Variants in RYR3 observed in about 807,000 individuals in gnomAD.
The protein encoded by RYR3 is ryanodine receptor 3, also known as brain ryanodine receptor-calcium release channel.
A neutral mutation model predicts 584.3 loss-of-function variants in RYR3; 207 were observed. The observed-to-expected ratio is 0.35, with a 90% CI of 0.32 to 0.40. The LOEUF (loss-of-function observed/expected upper bound fraction) is 0.40. RYR3 is among the 10% of genes least tolerant of loss of function. The pLI, the probability that RYR3 is intolerant of heterozygous loss-of-function variation, is 1.00. For synonymous variants in RYR3, 2,416 were observed against 2,248.5 expected, an observed-to-expected ratio of 1.07 and a Z score of -2.11; for missense variants, 5,616 against 6,089.2, an observed-to-expected ratio of 0.92 and a Z score of 2.59.
Position 33,652,810 on chromosome 15 carries a change from G to C in RYR3, c.4235G>C (p.Gly1412Ala), listed in dbSNP as rs375881628. ...CGGAGCAACGTGGACCTGGAGATCG[G>C]CTGTCTCGTGGATCTGGCCATGGGC... ...SNRSNVDLEIGCLVDLAMGML... is the reference protein window; with the variant it reads ...SNRSNVDLEIACLVDLAMGML... Residue 1412 changes from glycine to alanine, a missense_variant, in exon 32 of 104, where the codon GGC (glycine) becomes GCC (alanine). Around this residue, in one of 9 missense-constraint regions of RYR3, gnomAD observed 753 missense variants for 741.0 expected, o/e 1.02. Coordinates refer to ENST00000634891, the MANE Select transcript of RYR3 (RefSeq NM_001036.6). 65 of 1,613,862 alleles carry C rather than the reference G, an allele frequency of 4.0e-5. No individual in the cohort carries two copies. In the African/African-American group the frequency reaches 6.9e-4, roughly 17 times the overall value.
At chr15:33,569,050 A>G (rs150615740) in intron 12 of RYR3, among the ~76,000 whole-genome samples, 5 of 152,222 alleles carry the variant, frequency 3.3e-5, no homozygotes, top group African/African-American at 1.2e-4. Context: ...ATGTGTGTGT[A>G]GAGTGAAAGA....
At position 33,785,856 on chromosome 15, in the gene RYR3, C is replaced by G. The variant is rs760372732; in HGVS notation, c.9463C>G (p.Pro3155Ala). The G allele has an allele frequency of 6.2e-7, 1 of 1,613,898 alleles. No homozygotes were observed. The highest frequency in any genetic ancestry group is 8.5e-7 in the Non-Finnish European group (1 of 1,179,866). Residue 3155 changes from proline (P) to alanine (A), a missense_variant, in exon 66 of 104, where the codon CCC (proline) becomes GCC (alanine). Pro to Ala is a conservative substitution (Grantham distance 27). Transcript: ENST00000634891. ...WWERGPENLP[P>A]STGPCCTKVT... ...GGAGCGGGGTCCTGAGAACCTGCCCCCCAGCACAGGGCCATGCTGCACCAA... is the reference window on the plus strand; with the variant it reads ...GGAGCGGGGTCCTGAGAACCTGCCCGCCAGCACAGGGCCATGCTGCACCAA...
chr15:33,561,663 C>G (rs1256240937), intron 10 of RYR3, among the ~76,000 whole-genome samples: 3 of 151,398 alleles, frequency 2.0e-5, no homozygotes, highest in Admixed American at 6.6e-5. Flanking sequence ...ATTGCTTGAG[C>G]CTGGGAGTTC....
chr15:33,690,144 T>C (rs1350669703), intron 38 of RYR3, among the ~76,000 whole-genome samples: 1 of 152,190 alleles, frequency 6.6e-6, no homozygotes, highest in Middle Eastern at 3.2e-3. Flanking sequence ...TGCTGAAGGA[T>C]CAGCTAATGT....
At position 33,838,123 on chromosome 15, in the gene RYR3, T is replaced by A. The variant is rs1389684692; in HGVS notation, c.12143T>A (p.Ile4048Asn). ...AAGATTGAGCGTGTTTATTTTGAGA[T>A]CAGTGAATCCAGTCGCACTCAGTGG... is the stretch of plus-strand genomic sequence containing the variant. Reference protein sequence around the residue: ...AKKIERVYFEISESSRTQWEK... With the variant: ...AKKIERVYFENSESSRTQWEK... The change falls in exon 89 of 104, where the codon ATC becomes AAC. Residue 4048 changes from isoleucine (I) to asparagine (N), a missense_variant. By Grantham distance (149) the Ile-to-Asn change is moderately radical. Coordinates refer to ENST00000634891, the MANE Select transcript of RYR3 (RefSeq NM_001036.6). 6.2e-7 allele frequency: 1 copy of A among 1,613,854 alleles called. No individual in the cohort carries two copies. The highest frequency in any genetic ancestry group is 8.5e-7 in the Non-Finnish European group (1 of 1,179,882).
intron 1 of RYR3, among the ~76,000 whole-genome samples, chr15:33,344,272 G>C (rs1438528089): frequency 6.6e-6 from 1 of 152,166 alleles, no homozygotes; most frequent in Non-Finnish European, 1.5e-5. Flanking sequence ...ACTGAAATCT[G>C]CCTCATGGTT....
At chr15:33,519,449 C>T (rs2053798450) in intron 3 of RYR3, among the ~76,000 whole-genome samples, 1 of 152,072 alleles carries the variant, frequency 6.6e-6, no homozygotes, top group Non-Finnish European at 1.5e-5. Context: ...AAGGATGCTT[C>T]CGAGAACACA....
intron 1 of RYR3, among the ~76,000 whole-genome samples, chr15:33,314,121 G>A (rs1967744329): frequency 6.6e-6 from 1 of 152,194 alleles, no homozygotes; most frequent in Admixed American, 6.5e-5. Flanking sequence ...TGAACTAAAT[G>A]CTACTGTACC....
intron 43 of RYR3, among the ~76,000 whole-genome samples, chr15:33,709,760 C>G (rs2066965988): frequency 1.3e-5 from 2 of 152,160 alleles, no homozygotes; most frequent in South Asian, 4.1e-4. Context: ...TATAAATTAC[C>G]TAGTCTTTGA....
intron 2 of RYR3, among the ~76,000 whole-genome samples, chr15:33,481,525 G>A (rs2049964601): frequency 1.3e-5 from 2 of 151,890 alleles, no homozygotes; most frequent in African/African-American, 4.8e-5. Flanking sequence ...CTGTCACCCA[G>A]GCTGGAGTGC....
intron 39 of RYR3, among the ~76,000 whole-genome samples, 153 bp from the exon 40 acceptor site, chr15:33,697,729 A>G (rs1004445022): frequency 1.3e-5 from 2 of 152,204 alleles, no homozygotes; most frequent in African/African-American, 4.8e-5. Flanking sequence ...CCCTCCACAT[A>G]TATTCCAGCT....
Position 33,800,806 on chromosome 15 carries a change from C to G in RYR3, c.9867C>G (p.Asp3289Glu). 1.2e-6 allele frequency: 2 copies of G among 1,613,834 alleles called. No individual in the cohort carries two copies. The highest frequency in any genetic ancestry group is 8.5e-7 in the Non-Finnish European group (1 of 1,179,728). The change falls in exon 68 of 104, where the codon GAC becomes GAG. Residue 3289 changes from aspartate (D) to glutamate (E), a missense_variant. Coordinates refer to ENST00000634891, the MANE Select transcript of RYR3 (RefSeq NM_001036.6). Reference protein sequence around the residue: ...NWLKSPDADSDQLFRMVAEVF... With the variant: ...NWLKSPDADSEQLFRMVAEVF... Reference sequence around the variant, plus strand: ...TGAAAAGTCCTGATGCTGATTCTGACCAGCTCTTCCGCATGGTGGCAGAAG... The same window carrying G: ...TGAAAAGTCCTGATGCTGATTCTGAGCAGCTCTTCCGCATGGTGGCAGAAG...
intron 1 of RYR3, among the ~76,000 whole-genome samples, chr15:33,368,696 C>T (rs1333366877): frequency 6.6e-6 from 1 of 152,086 alleles, no homozygotes; most frequent in Non-Finnish European, 1.5e-5. Flanking sequence ...CCTTCCCATG[C>T]ACCTTGTCGG....
chr15:33,412,142 A>C lies in RYR3; in HGVS notation c.52-61277A>C, dbSNP rs890935645. 6.6e-6 allele frequency among the ~76,000 whole-genome samples: 1 copy of C among 152,212 alleles called. No individual in the cohort carries two copies. Among genetic ancestry groups the C allele is most frequent in the African/African-American group, 2.4e-5 (1 of 41,454 alleles). ...TAACTACTTAGGCGAGTAAGAGATT[A>C]TAAATATTATCATTGAAATGAGGTA... On this transcript the variant is annotated intron_variant, in intron 1 of 103. Transcript: ENST00000634891. The surrounding 1 kb of genome is among the most constrained non-coding windows in gnomAD (Gnocchi z 4.3).
intron 57 of RYR3, among the ~76,000 whole-genome samples, chr15:33,752,367 G>T (rs1015813938): frequency 6.6e-6 from 1 of 152,170 alleles, no homozygotes; most frequent in Non-Finnish European, 1.5e-5. Context: ...CATGAGCATA[G>T]AATGTTTTTC....
At chr15:33,506,775 A>G (rs1262290086) in intron 3 of RYR3, among the ~76,000 whole-genome samples, 1 of 152,160 alleles carries the variant, frequency 6.6e-6, no homozygotes, top group Non-Finnish European at 1.5e-5. Flanking sequence ...GTTTTATATC[A>G]TCTCTGGAGT....
At chr15:33,349,132 T>C (rs1466755554) in intron 1 of RYR3, among the ~76,000 whole-genome samples, 1 of 145,798 alleles carries the variant, frequency 6.9e-6, no homozygotes, top group Non-Finnish European at 1.5e-5. Flanking sequence ...TTTTGCTAGA[T>C]AATATTCTAC....
chr15:33,638,916 G>T (rs1199646838), intron 27 of RYR3, among the ~76,000 whole-genome samples: 1 of 152,172 alleles, frequency 6.6e-6, no homozygotes, highest in Non-Finnish European at 1.5e-5. Context: ...GGAAGCTATA[G>T]GAAAGGGTAG....
At chr15:33,321,707 C>CA (rs150808561) in intron 1 of RYR3, among the ~76,000 whole-genome samples, 2,347 of 152,152 alleles carry the variant, frequency 0.015, 67 homozygotes, top group African/African-American at 0.053. Flanking sequence ...AATAATAATA[C>CA]AAAAAAACTA....
Sources: gnomAD v4.1 joint callset for allele counts (sites outside exome capture counted in the v4.1 genomes callset) on GRCh38, gnomAD v4.1.1 for gene constraint, gnomAD v4.1.1 regional missense constraint, Gnocchi (gnomAD v3.1) non-coding constraint, MANE v1.5 for transcripts, NCBI Gene and HGNC (gene_info 2026-07-23, HGNC 2026-07-21) for gene names.